The following RFTN1 variants were observed in gnomAD, a reference collection of about 807,000 sequenced individuals.
The protein encoded by RFTN1 is raftlin.
Under a neutral mutation model 46.5 loss-of-function variants are expected in RFTN1, and 26 were observed. The observed-to-expected ratio is 0.56, with a 90% confidence interval of 0.41 to 0.78. The LOEUF (loss-of-function observed/expected upper bound fraction) is 0.78, where lower values mean the gene tolerates loss of function less well. RFTN1 is among the 30% of genes least tolerant of loss of function. The pLI is 0.00. For missense variants in RFTN1, 693 were observed against 718.7 expected, an observed-to-expected ratio of 0.96 and a Z score of 0.41; for synonymous variants, 261 against 284.2, an observed-to-expected ratio of 0.92 and a Z score of 0.82.
At chr3:16,406,796 C>T (rs2125442908) in intron 4 of RFTN1, among the ~76,000 whole-genome samples, 1 of 152,250 alleles carries the variant, frequency 6.6e-6, no homozygotes, top group South Asian at 2.1e-4. Context: ...TGCTGTTTCA[C>T]TAAAAGTCAG....
In RFTN1 at chr3:16,381,446, C is replaced by T. The variant is rs905201087; in HGVS notation, c.442-3344G>A. 1.3e-5 allele frequency among the ~76,000 whole-genome samples: 2 copies of T among 152,032 alleles called. No homozygotes were observed. The highest frequency in any genetic ancestry group is 6.6e-5 in the Admixed American group (1 of 15,260). On this transcript the variant is annotated intron_variant, in intron 4 of 9. Transcript: ENST00000334133. The surrounding 1 kb of genome is among the most constrained non-coding windows in gnomAD (Gnocchi z 4.2). ...AAGGGGAGGTTGAGAAAAGTTTCTC[C>T]GAGTAGATCAGGGATGTAACAAATG...
At chr3:16,343,420 G>A (rs756348380) in intron 7 of RFTN1, among the ~76,000 whole-genome samples, 4 of 152,188 alleles carry the variant, frequency 2.6e-5, no homozygotes, top group Non-Finnish European at 5.9e-5. Flanking sequence ...ATATGAGGAA[G>A]CCAGCTACCT....
Position 16,320,882 on chromosome 3 carries a change from G to C in RFTN1, c.1332+2494C>G, listed in dbSNP as rs1281167922. On this transcript the variant is annotated intron_variant, in intron 9 of 9. Coordinates refer to ENST00000334133, the MANE Select transcript of RFTN1 (RefSeq NM_015150.2). This position sits in a 1 kb window ranked among gnomAD's most constrained non-coding sequence, Gnocchi z 4.5. Reference sequence around the variant, plus strand: ...AGTCATACAAAACTAGAACTCCTTTGAGCAGTGGGATGACAGGATTCAAGT... The same window carrying C: ...AGTCATACAAAACTAGAACTCCTTTCAGCAGTGGGATGACAGGATTCAAGT... Among the ~76,000 whole-genome samples, 2 of 152,200 alleles carry C rather than the reference G, an allele frequency of 1.3e-5. No individual in the cohort carries two copies. The highest frequency in any genetic ancestry group is 4.8e-5 in the African/African-American group (2 of 41,448).
At chr3:16,377,441 A>G (rs2073819127) in intron 5 of RFTN1, among the ~76,000 whole-genome samples, 1 of 152,240 alleles carries the variant, frequency 6.6e-6, no homozygotes, top group Non-Finnish European at 1.5e-5. Flanking sequence ...CACAGGAGAT[A>G]AAAGAGCTCA....
Position 16,460,913 on chromosome 3 carries a change from T to C in RFTN1, c.146-26876A>G, listed in dbSNP as rs530666294. On this transcript the variant is annotated intron_variant, in intron 2 of 9. Coordinates refer to ENST00000334133, the MANE Select transcript of RFTN1 (RefSeq NM_015150.2). This position sits in a 1 kb window ranked among gnomAD's most constrained non-coding sequence, Gnocchi z 4.8. ...CCTACTCGAGGCTGGCCAGACTTCT[T>C]CAACAAATGACAGACAAAGCAGGTT... Among the ~76,000 whole-genome samples, 1 of 152,262 alleles carries C rather than the reference T, an allele frequency of 6.6e-6. No homozygotes were observed. The highest frequency in any genetic ancestry group is 1.9e-4 in the East Asian group (1 of 5,180).
intron 2 of RFTN1, 84 bp downstream of exon 2, chr3:16,493,641 A>G: frequency 1.8e-6 from 2 of 1,084,760 alleles, no homozygotes; most frequent in Non-Finnish European, 1.2e-6. Flanking sequence ...CACCCCATCC[A>G]GCTCTCCAAC....
chr3:16,394,371 G>A (rs1427143298), intron 4 of RFTN1, among the ~76,000 whole-genome samples: 5 of 152,106 alleles, frequency 3.3e-5, no homozygotes, highest in African/African-American at 1.2e-4. Flanking sequence ...GTGAGACCCT[G>A]TCCCTTAAAA....
chr3:16,393,853 G>A (rs971757142), intron 4 of RFTN1, among the ~76,000 whole-genome samples: 5 of 151,858 alleles, frequency 3.3e-5, no homozygotes, highest in African/African-American at 1.2e-4. Context: ...TATAGACGGG[G>A]TTTCACCGTG....
rs545850226 is a variant in RFTN1 at position 16,413,990 on chromosome 3, G to A, written c.333-4507C>T. 1.3e-5 allele frequency among the ~76,000 whole-genome samples: 2 copies of A among 152,316 alleles called. No homozygotes were observed. The highest frequency in any genetic ancestry group is 4.8e-5 in the African/African-American group (2 of 41,576). ...ATTAAATAGGACAAAAAGAAGCAAA[G>A]CCCTTAGCACAGAGGTACAACATCC... On this transcript the variant is annotated intron_variant, in intron 3 of 9. Coordinates refer to ENST00000334133, the MANE Select transcript of RFTN1 (RefSeq NM_015150.2). The surrounding 1 kb of genome is among the most constrained non-coding windows in gnomAD (Gnocchi z 4.7).
intron 6 of RFTN1, among the ~76,000 whole-genome samples, chr3:16,369,265 C>A (rs1575154814): frequency 6.6e-6 from 1 of 152,234 alleles, no homozygotes; most frequent in Non-Finnish European, 1.5e-5. Context: ...AACAGCTCAA[C>A]AACAACACAC....
chr3:16,511,439 T>C (rs535537394), intron 1 of RFTN1, among the ~76,000 whole-genome samples: 1 of 152,156 alleles, frequency 6.6e-6, no homozygotes, highest in East Asian at 1.9e-4. Context: ...GGCTGGATGG[T>C]TGGGGGAGGT....
At chr3:16,365,706 A>T (rs2073121713) in intron 6 of RFTN1, among the ~76,000 whole-genome samples, 1 of 152,284 alleles carries the variant, frequency 6.6e-6, no homozygotes, top group South Asian at 2.1e-4. Flanking sequence ...CCTGGAACGT[A>T]TTCTTGTCAT....
intron 2 of RFTN1, among the ~76,000 whole-genome samples, chr3:16,490,015 AAAG>A (rs1316092635): frequency 6.6e-6 from 1 of 152,212 alleles, no homozygotes; most frequent in Non-Finnish European, 1.5e-5. Context: ...TCTGGAGAAT[AAAG>A]AATAATCTCA....
chr3:16,356,970 C>G lies in RFTN1; in HGVS notation c.1146+962G>C, dbSNP rs1023076690. 1.4e-4 allele frequency among the ~76,000 whole-genome samples: 21 copies of G among 152,112 alleles called. No individual in the cohort carries two copies. The highest frequency in any genetic ancestry group is 3.1e-4 in the Non-Finnish European group (21 of 68,012). On this transcript the variant is annotated intron_variant, in intron 7 of 9. Coordinates refer to ENST00000334133, the MANE Select transcript of RFTN1 (RefSeq NM_015150.2). The surrounding 1 kb of genome is among the most constrained non-coding windows in gnomAD (Gnocchi z 4.9). ...TCTTTACTAAAAATACAAAAATTAGCTGGGTGTGGTGGCGGGTGCCTGTAG... is the reference window on the plus strand; with the variant it reads ...TCTTTACTAAAAATACAAAAATTAGGTGGGTGTGGTGGCGGGTGCCTGTAG...
chr3:16,441,416 G>T (rs139430198), intron 2 of RFTN1, among the ~76,000 whole-genome samples: 3 of 151,380 alleles, frequency 2.0e-5, no homozygotes, highest in African/African-American at 7.3e-5. Context: ...TTTTTGCTAT[G>T]ACTATGTTTT....
At position 16,377,452 on chromosome 3, in the gene RFTN1, C is replaced by G. The variant is rs902223776; in HGVS notation, c.826+266G>C. ...AGAGCACAGGAGATAAAAGAGCTCACAGTCTAGAATCCACTTCAAACGTGA... is the reference window on the plus strand; with the variant it reads ...AGAGCACAGGAGATAAAAGAGCTCAGAGTCTAGAATCCACTTCAAACGTGA... On this transcript the variant is annotated intron_variant, in intron 5 of 9. Transcript: ENST00000334133. Among the ~76,000 whole-genome samples the G allele has an allele frequency of 6.3e-4, 96 of 152,220 alleles. 7 individuals are homozygous for G. Among genetic ancestry groups the G allele is most frequent in the Non-Finnish European group, 4.4e-5 (3 of 68,040 alleles).
At chr3:16,405,166 G>T (rs1030985845) in intron 4 of RFTN1, among the ~76,000 whole-genome samples, 2 of 152,034 alleles carry the variant, frequency 1.3e-5, no homozygotes, top group Non-Finnish European at 2.9e-5. Context: ...AATTCCAGAG[G>T]CCCCCACGGA....
At chr3:16,434,303 C>A (rs1287606224) in intron 2 of RFTN1, among the ~76,000 whole-genome samples, 3 of 151,952 alleles carry the variant, frequency 2.0e-5, no homozygotes, top group Non-Finnish European at 2.9e-5. Context: ...GCAGATGGAT[C>A]GCTTGAGCCG....
rs972930046 is a variant in RFTN1 at position 16,370,602 on chromosome 3, G to T, written c.827-323C>A. 3.9e-5 allele frequency among the ~76,000 whole-genome samples: 6 copies of T among 152,218 alleles called. No homozygotes were observed. The highest frequency in any genetic ancestry group is 1.4e-4 in the African/African-American group (6 of 41,456). ...GAAAAGAACATAGCAGATGGTTCTAGAAATTCATACAAAGATGTGTTTTAG... is the reference window on the plus strand; with the variant it reads ...GAAAAGAACATAGCAGATGGTTCTATAAATTCATACAAAGATGTGTTTTAG... On this transcript the variant is annotated intron_variant, in intron 5 of 9. Coordinates refer to ENST00000334133, the MANE Select transcript of RFTN1 (RefSeq NM_015150.2). The surrounding 1 kb of genome is among the most constrained non-coding windows in gnomAD (Gnocchi z 5.5).
Sources: gnomAD v4.1 joint callset for allele counts (sites outside exome capture counted in the v4.1 genomes callset) on GRCh38, gnomAD v4.1.1 for gene constraint, Gnocchi (gnomAD v3.1) non-coding constraint, MANE v1.5 for transcripts, NCBI Gene and HGNC (gene_info 2026-07-23, HGNC 2026-07-21) for gene names.